Variants in SYT16 observed in about 807,000 individuals in gnomAD.
SYT16 encodes synaptotagmin 16, also known as synaptotagmin-16.
A neutral mutation model predicts 61.4 loss-of-function variants in SYT16; 42 were observed. The ratio of observed to expected loss-of-function variants is 0.68; its 90% CI spans 0.53 to 0.89. The LOEUF is 0.89. SYT16 is among the 40% of genes least tolerant of loss of function. The pLI, the probability that SYT16 is intolerant of heterozygous loss-of-function variation, is 0.00. For synonymous variants in SYT16, 314 were observed against 302.3 expected (o/e 1.04, Z -0.40); for missense variants, 804 against 807.3 (o/e 1.00, Z 0.05).
intron 1 of SYT16, among the ~76,000 whole-genome samples, chr14:61,846,711 T>C (rs1371508349): frequency 6.6e-6 from 1 of 152,134 alleles, no homozygotes; most frequent in African/African-American, 2.4e-5. Context: ...TTTCTTGTTG[T>C]TTTATGGTCT....
intron 1 of SYT16, among the ~76,000 whole-genome samples, chr14:61,950,234 A>G (rs753801073): frequency 6.6e-6 from 1 of 152,162 alleles, no homozygotes; most frequent in Non-Finnish European, 1.5e-5. Context: ...ACGTCTCTAA[A>G]TTGGCCTTGA....
chr14:62,086,482 A>T (rs553305371), intron 7 of SYT16, among the ~76,000 whole-genome samples: 1 of 152,196 alleles, frequency 6.6e-6, no homozygotes, highest in South Asian at 2.1e-4. Flanking sequence ...TGTGTCTCAA[A>T]AAAACAAACA....
intron 3 of SYT16, among the ~76,000 whole-genome samples, chr14:62,018,083 G>C (rs887636996): frequency 2.6e-5 from 4 of 152,044 alleles, no homozygotes; most frequent in African/African-American, 7.3e-5. Flanking sequence ...TTTCGACATA[G>C]TGCATTCCTT....
chr14:61,945,727 G>A (rs1419758699), intron 1 of SYT16, among the ~76,000 whole-genome samples: 1 of 151,806 alleles, frequency 6.6e-6, no homozygotes, highest in African/African-American at 2.4e-5. Flanking sequence ...GTGGTGGCGG[G>A]TGCCTGTAGT....
intron 1 of SYT16, among the ~76,000 whole-genome samples, chr14:61,877,832 T>A (rs547809635): frequency 1.3e-5 from 2 of 152,162 alleles, no homozygotes; most frequent in Non-Finnish European, 2.9e-5. Context: ...AGACTTGTAG[T>A]TGGGTGGAAA....
At chr14:61,949,759 C>T (rs1000679973) in intron 1 of SYT16, among the ~76,000 whole-genome samples, 1 of 152,182 alleles carries the variant, frequency 6.6e-6, no homozygotes. Flanking sequence ...TGAATGATCT[C>T]GGTTAACCCA....
chr14:62,031,139 C>T (rs1241577032), intron 3 of SYT16, among the ~76,000 whole-genome samples: 1 of 152,170 alleles, frequency 6.6e-6, no homozygotes, highest in African/African-American at 2.4e-5. Context: ...TTTAAAGTCT[C>T]TTTGAAAATA....
At chr14:61,895,995 G>T (rs574744377) in intron 1 of SYT16, among the ~76,000 whole-genome samples, 1 of 152,204 alleles carries the variant, frequency 6.6e-6, no homozygotes, top group African/African-American at 2.4e-5. Flanking sequence ...TTTGCGCTGG[G>T]CTACCTTGTC....
intron 1 of SYT16, among the ~76,000 whole-genome samples, chr14:61,886,469 T>C (rs1421202920): frequency 6.6e-6 from 1 of 152,228 alleles, no homozygotes; most frequent in African/African-American, 2.4e-5. Flanking sequence ...AAATCGTTTG[T>C]TGTCACTTCA....
At chr14:61,885,457 G>T (rs1336880651) in intron 1 of SYT16, among the ~76,000 whole-genome samples, 1 of 152,144 alleles carries the variant, frequency 6.6e-6, no homozygotes, top group East Asian at 1.9e-4. Flanking sequence ...GTGGCATTCA[G>T]GGAACACTGA....
At chr14:61,869,696 T>C (rs1209787619) in intron 1 of SYT16, among the ~76,000 whole-genome samples, 1 of 152,274 alleles carries the variant, frequency 6.6e-6, no homozygotes, top group Non-Finnish European at 1.5e-5. Context: ...CTTTGGGAGA[T>C]AGTTAGGTCA....
intron 7 of SYT16, among the ~76,000 whole-genome samples, chr14:62,099,460 T>C (rs1260880665): frequency 6.6e-6 from 1 of 152,178 alleles, no homozygotes; most frequent in Non-Finnish European, 1.5e-5. Flanking sequence ...TTGGATAATT[T>C]GGTGAATGAT....
At chr14:62,032,102 A>G (rs892182490) in intron 3 of SYT16, among the ~76,000 whole-genome samples, 29 of 152,162 alleles carry the variant, frequency 1.9e-4, no homozygotes, top group Non-Finnish European at 3.4e-4. Context: ...GAAAACGGGA[A>G]TGATGAATTA....
intron 1 of SYT16, among the ~76,000 whole-genome samples, chr14:61,879,819 C>CTA (rs2047633248): frequency 6.6e-6 from 1 of 152,196 alleles, no homozygotes; most frequent in African/African-American, 2.4e-5. Flanking sequence ...TGACATCGAT[C>CTA]TAACATTAGC....
chr14:61,924,616 G>T (rs1041784881), intron 1 of SYT16, among the ~76,000 whole-genome samples: 5 of 152,092 alleles, frequency 3.3e-5, no homozygotes, highest in Admixed American at 2.0e-4. Context: ...GCTACATATT[G>T]CACCAACTTG....
At chr14:61,829,066 A>G (rs528409074) in intron 1 of SYT16, among the ~76,000 whole-genome samples, 1 of 152,344 alleles carries the variant, frequency 6.6e-6, no homozygotes, top group East Asian at 1.9e-4. Flanking sequence ...AATATGTTAT[A>G]TTGGACAAAA....
intron 2 of SYT16, among the ~76,000 whole-genome samples, chr14:61,982,445 CAAATGA>C (rs1254301843): frequency 6.6e-6 from 1 of 152,052 alleles, no homozygotes; most frequent in Non-Finnish European, 1.5e-5. Context: ...GAATGAGAGC[CAAATGA>C]AAGGGATTTC....
chr14:61,885,818 TA>T (rs1351608605), intron 1 of SYT16, among the ~76,000 whole-genome samples: 2 of 152,184 alleles, frequency 1.3e-5, no homozygotes, highest in South Asian at 2.1e-4. Context: ...CATACCTTAA[TA>T]AAAAATATTT....
intron 1 of SYT16, among the ~76,000 whole-genome samples, chr14:61,870,525 A>T (rs1034254811): frequency 6.6e-6 from 1 of 152,070 alleles, no homozygotes; most frequent in African/African-American, 2.4e-5. Context: ...TCATATTGGT[A>T]AACTTTTTTG....
Sources: gnomAD v4.1 joint callset for allele counts (sites outside exome capture counted in the v4.1 genomes callset) on GRCh38, gnomAD v4.1.1 for gene constraint, MANE v1.5 for transcripts, NCBI Gene and HGNC (gene_info 2026-07-23, HGNC 2026-07-21) for gene names.